FRY: variants seen among roughly 807,000 people sequenced by gnomAD.
FRY encodes the protein protein furry homolog.
A neutral mutation model predicts 348.4 loss-of-function variants in FRY; 128 were observed. The observed-to-expected ratio is 0.37, with a 90% CI of 0.32 to 0.43. FRY has a LOEUF of 0.43. FRY is among the 20% of genes least tolerant of loss of function. The pLI, the probability that FRY is intolerant of heterozygous loss-of-function variation, is 1.00. For missense variants in FRY, 2,736 were observed against 3,695.2 expected (o/e 0.74, Z 6.73); for synonymous variants, 1,370 against 1,374.7 (o/e 1.00, Z 0.08).
intron 17 of FRY, 31 bp downstream of exon 17, chr13:32,161,282 A>T: frequency 3.1e-6 from 4 of 1,275,318 alleles, no homozygotes; most frequent in Middle Eastern, 3.7e-4. Context: ...GCCAAAATTA[A>T]TTTCGATCCT....
chr13:32,233,769 G>T (rs137988925), intron 41 of FRY, among the ~76,000 whole-genome samples: 1 of 152,214 alleles, frequency 6.6e-6, no homozygotes, highest in Admixed American at 6.5e-5. Flanking sequence ...GAATACATTT[G>T]TGAACCTATG....
chr13:32,265,174 T>G lies in FRY; in HGVS notation c.7780-276T>G, dbSNP rs923178506. Among the ~76,000 whole-genome samples, 23 of 152,192 alleles carry G rather than the reference T, an allele frequency of 1.5e-4. 1 individual carries two copies. On this transcript the variant is annotated intron_variant, in intron 53 of 60. Coordinates refer to ENST00000542859, the MANE Select transcript of FRY (RefSeq NM_023037.3). ...TGATGGTCTTTTCCAAGTTTAGCGT[T>G]CATACCCTATAAGCATGGGCCAAGT...
Position 32,157,373 on chromosome 13 carries a change from G to C in FRY, c.1752G>C (p.Gln584His). The change falls in exon 16 of 61, where the codon CAG becomes CAC. Residue 584 changes from glutamine (Q) to histidine (H), a missense_variant. Physicochemically the swap from Gln to His is conservative, Grantham distance 24. This residue lies in a region of FRY where 191 missense variants were observed against 370.2 expected (regional missense o/e 0.52). Transcript: ENST00000542859. ...VGRCMMLTNV[Q>H]MLNKEPEDMI... is the part of the protein sequence containing the mutation. Reference sequence around the variant, plus strand: ...GGTGTATGATGCTGACTAATGTACAGATGTTAAACAAAGAACCGGAAGACA... The same window carrying C: ...GGTGTATGATGCTGACTAATGTACACATGTTAAACAAAGAACCGGAAGACA... The C allele has an allele frequency of 1.9e-6, 3 of 1,613,540 alleles. No homozygotes were observed. Among genetic ancestry groups the C allele is most frequent in the Non-Finnish European group, 2.5e-6 (3 of 1,179,580 alleles).
intron 47 of FRY, among the ~76,000 whole-genome samples, chr13:32,244,620 G>A (rs1250172607): frequency 6.6e-6 from 1 of 152,228 alleles, no homozygotes; most frequent in Non-Finnish European, 1.5e-5. Flanking sequence ...GAGTTGAAGA[G>A]TGGTTAAGAA....
At chr13:32,097,728 A>G (rs1470169296) in intron 2 of FRY, among the ~76,000 whole-genome samples, 1 of 152,024 alleles carries the variant, frequency 6.6e-6, no homozygotes, top group Non-Finnish European at 1.5e-5. Context: ...AGTTTTAAAC[A>G]ATAGATTCTA....
chr13:32,060,695 G>T (rs1025080997), intron 1 of FRY, among the ~76,000 whole-genome samples: 2 of 152,180 alleles, frequency 1.3e-5, no homozygotes, highest in Non-Finnish European at 2.9e-5. Flanking sequence ...TATTTGCTAT[G>T]CATGGACTGT....
intron 55 of FRY, among the ~76,000 whole-genome samples, chr13:32,272,220 T>G (rs2138583961): frequency 6.6e-6 from 1 of 152,348 alleles, no homozygotes; most frequent in Non-Finnish European, 1.5e-5. Context: ...AATGTGTGTT[T>G]ACTGTTTCCC....
At chr13:32,068,012 A>G (rs1874369243) in intron 1 of FRY, among the ~76,000 whole-genome samples, 1 of 152,128 alleles carries the variant, frequency 6.6e-6, no homozygotes. Context: ...CTGGTTAGAA[A>G]TGCAGACTCT....
At chr13:32,140,015 T>C (rs1879958830) in intron 11 of FRY, among the ~76,000 whole-genome samples, 1 of 151,774 alleles carries the variant, frequency 6.6e-6, no homozygotes, top group African/African-American at 2.4e-5. Flanking sequence ...ATAAAATGAA[T>C]TGGGAGAATT....
Position 32,124,649 on chromosome 13 carries a change from C to T in FRY, c.603C>T (p.Asn201=), listed in dbSNP as rs1281825586. The change falls in exon 6 of 61, where the codon AAC becomes AAT. Residue 201 remains asparagine, a synonymous_variant. Coordinates refer to ENST00000542859, the MANE Select transcript of FRY (RefSeq NM_023037.3). The part of the protein sequence containing the change: ...VIDSLIHDVI[N]LAFKHFKYKE... ...ACAGTTTAATACATGATGTTATTAACTTGGCTTTCAAGCACTTTAAATACA... is the reference window on the plus strand; with the variant it reads ...ACAGTTTAATACATGATGTTATTAATTTGGCTTTCAAGCACTTTAAATACA... The T allele has an allele frequency of 1.3e-6, 2 of 1,596,490 alleles. No homozygotes were observed. Among genetic ancestry groups the T allele is most frequent in the Admixed American group, 1.7e-5 (1 of 59,992 alleles).
At chr13:32,186,478 C>T (rs1167730881) in intron 27 of FRY, 58 bp downstream of exon 27, 3 of 1,061,366 alleles carry the variant, frequency 2.8e-6, no homozygotes, top group Non-Finnish European at 4.4e-6. Flanking sequence ...TCTCGTTAAA[C>T]TAATAACCAT....
intron 1 of FRY, among the ~76,000 whole-genome samples, chr13:32,069,915 C>G (rs561830450): frequency 6.6e-6 from 1 of 150,840 alleles, no homozygotes; most frequent in African/African-American, 2.4e-5. Flanking sequence ...GCCCTGTGTC[C>G]GTGTGTTCTC....
intron 16 of FRY, among the ~76,000 whole-genome samples, chr13:32,157,811 C>CATTTTA (rs1881200932): frequency 6.6e-6 from 1 of 152,050 alleles, no homozygotes; most frequent in Non-Finnish European, 1.5e-5. Context: ...GACTGCATCA[C>CATTTTA]AGAAAGCATT....
chr13:32,237,294 G>T lies in FRY; in HGVS notation c.5811-85G>T, dbSNP rs1408286307. ...ATTTCTAAAGAATGATTTCCCTCCT[G>T]CAGTGTTTCTCAGTGGACTTGAAAG... On this transcript the variant is annotated intron_variant, in intron 43 of 60. Transcript: ENST00000542859. This position sits in a 1 kb window ranked among gnomAD's most constrained non-coding sequence, Gnocchi z 6.3. 42 of 1,263,024 alleles carry T rather than the reference G, an allele frequency of 3.3e-5. No individual in the cohort carries two copies. Among genetic ancestry groups the T allele is most frequent in the Admixed American group, 3.4e-5 (2 of 59,148 alleles). The allele number at this position is 1,263,024 out of a possible 1,614,324, so 78.2% of individuals were successfully genotyped here. A position where few individuals can be genotyped will look rare whatever the true frequency, so the allele number is the denominator to read the frequency against.
intron 29 of FRY, among the ~76,000 whole-genome samples, chr13:32,200,131 T>G (rs1414464020): frequency 6.6e-6 from 1 of 152,184 alleles, no homozygotes; most frequent in Non-Finnish European, 1.5e-5. Context: ...CATGAATAGA[T>G]TAATCCATTC....
At position 32,238,696 on chromosome 13, in the gene FRY, C is replaced by T. The variant is rs143476797; in HGVS notation, c.6419-556C>T. The stretch of plus-strand genomic sequence containing the variant: ...CGATATCTTGACCTTGTGATCCACC[C>T]GCCTCAGACTCTCAAAGTCCTTGGA... On this transcript the variant is annotated intron_variant, in intron 44 of 60. Transcript: ENST00000542859. Among the ~76,000 whole-genome samples the T allele has an allele frequency of 4.5e-3, 692 of 152,158 alleles. 4 individuals carry two copies. The highest frequency in any genetic ancestry group is 0.016 in the African/African-American group (665 of 41,504).
chr13:32,236,206 G>C (rs762970999), intron 43 of FRY, 34 bp downstream of exon 43: 2 of 1,400,774 alleles, frequency 1.4e-6, no homozygotes, highest in South Asian at 2.3e-5. Context: ...TTGACATCAA[G>C]TATACTGCAC....
rs546396317 is a variant in FRY, at chr13:32,289,755, C to T, written c.8580+12C>T. The T allele has an allele frequency of 2.1e-4, 289 of 1,399,198 alleles. No homozygotes were observed. The highest frequency in any genetic ancestry group is 1.4e-3 in the East Asian group (61 of 43,932). The allele number at this position is 1,399,198 out of a possible 1,614,324, so 86.7% of individuals were successfully genotyped here. On this transcript the variant is annotated intron_variant, in intron 59 of 60. Coordinates refer to ENST00000542859, the MANE Select transcript of FRY (RefSeq NM_023037.3). ...GCTCCATGCCAGAGGTGAGTCCACA[C>T]GCTTCCCAACCCCACGTCCCACCAC...
chr13:32,050,035 C>T, intron 1 of FRY, among the ~76,000 whole-genome samples: 1 of 152,172 alleles, frequency 6.6e-6, no homozygotes, highest in East Asian at 1.9e-4. Context: ...ATTTAATATT[C>T]CAAATTAACA....
Sources: allele counts gnomAD v4.1 joint callset (sites outside exome capture counted in the v4.1 genomes callset), GRCh38; gene constraint gnomAD v4.1.1; regional missense constraint gnomAD v4.1.1; non-coding constraint Gnocchi (gnomAD v3.1); transcripts MANE v1.5; gene names NCBI Gene and HGNC (gene_info 2026-07-23, HGNC 2026-07-21).